The following RASGRP2 variants were observed in gnomAD, a reference collection of about 807,000 sequenced individuals.
RASGRP2 encodes RAS guanyl-releasing protein 2.
A neutral mutation model predicts 71.0 loss-of-function variants in RASGRP2; 44 were observed. The observed-to-expected ratio is 0.62, with a 90% CI of 0.49 to 0.80. RASGRP2 has a LOEUF of 0.80. Among genes scored for constraint, RASGRP2 ranks in the 30% least tolerant of loss-of-function variants. The pLI, the probability that RASGRP2 is intolerant of heterozygous loss-of-function variation, is 0.00. For missense variants in RASGRP2, 663 were observed against 813.4 expected (o/e 0.82, Z 2.25); for synonymous variants, 350 against 330.7 (o/e 1.06, Z -0.63).
Position 64,742,144 on chromosome 11 carries a change from A to C in RASGRP2, c.74-32T>G, listed in dbSNP as rs1227195370. On this transcript the variant is annotated intron_variant, in intron 2 of 16. Coordinates refer to ENST00000394432, the MANE Select transcript of RASGRP2 (RefSeq NM_001098671.2). The surrounding 1 kb of genome is among the most constrained non-coding windows in gnomAD (Gnocchi z 4.7). ...CCGAAGGGTCAAAGACAGGTGGCTGAGCTGGGTCCGCAGCTACCATGCCTC... is the reference window on the plus strand; with the variant it reads ...CCGAAGGGTCAAAGACAGGTGGCTGCGCTGGGTCCGCAGCTACCATGCCTC... The C allele has an allele frequency of 3.9e-6, 6 of 1,525,436 alleles. No homozygotes were observed. The African/African-American group carries it at 8.3e-5, about 21-fold the overall frequency. 94.5% of individuals were successfully genotyped at this position (1,525,436 alleles called of 1,614,324 possible).
At chr11:64,730,340 C>A in intron 12 of RASGRP2, 146 bp from the exon 13 acceptor site, 1 of 1,031,286 alleles carries the variant, frequency 9.7e-7, no homozygotes. Context: ...CGGCACTGGA[C>A]TAGGGGTCAG....
Position 64,740,140 on chromosome 11 carries a change from T to C in RASGRP2, c.395A>G (p.Gln132Arg). ...DSVPTYKWKR[Q>R]VTQRNPVGQK... ...TCCCACAGGGTTCCGCTGAGTCACC[T>C]GCCGCTTCCACTTGTAGGTAGGGCT... Residue 132 changes from glutamine to arginine, a missense_variant, in exon 6 of 17, where the codon CAG becomes CGG. Coordinates refer to ENST00000394432, the MANE Select transcript of RASGRP2 (RefSeq NM_001098671.2). 3 of 1,614,136 alleles carry C rather than the reference T, an allele frequency of 1.9e-6. No homozygotes were observed. Among genetic ancestry groups the C allele is most frequent in the Non-Finnish European group, 2.5e-6 (3 of 1,180,018 alleles).
rs1000200549 is a variant in RASGRP2 at position 64,740,952 on chromosome 11, T to G, written c.367A>C (p.Ser123Arg). The G allele has an allele frequency of 6.2e-7, 1 of 1,613,294 alleles. No homozygotes were observed. Among genetic ancestry groups the G allele is most frequent in the South Asian group, 1.1e-5 (1 of 91,040 alleles). The change falls in exon 5 of 17, where the codon AGC (serine) becomes CGC (arginine). Residue 123 changes from serine (S) to arginine (R), a missense_variant. Ser to Arg is a moderately radical substitution (Grantham distance 110). Coordinates refer to ENST00000394432, the MANE Select transcript of RASGRP2 (RefSeq NM_001098671.2). The part of the protein sequence containing the change: ...RRHSSLIDID[S>R]VPTYKWKRQV... ...CTCTGTGCTCCCCCCACGCACACGC[T>G]GTCTATGTCGATTAGGCTGCTGTGC...
rs1445982523 is a variant in RASGRP2 at position 64,742,489 on chromosome 11, C to T, written c.73+305G>A. 9 of 571,604 alleles carry T rather than the reference C, an allele frequency of 1.6e-5. No homozygotes were observed. The highest frequency in any genetic ancestry group is 3.0e-5 in the Admixed American group (1 of 32,836). The allele number at this position is 571,604 out of a possible 1,614,324, so 35.4% of individuals were successfully genotyped here. A position where few individuals can be genotyped will look rare whatever the true frequency, so the allele number is the denominator to read the frequency against. On this transcript the variant is annotated intron_variant, in intron 2 of 16. Coordinates refer to ENST00000394432, the MANE Select transcript of RASGRP2 (RefSeq NM_001098671.2). This position sits in a 1 kb window ranked among gnomAD's most constrained non-coding sequence, Gnocchi z 4.7. ...CATTAGCCGGAAACAGCTCCCAGGC[C>T]GGAGATAGCGAGTTCCTCCGGATTC... is the stretch of plus-strand genomic sequence containing the variant.
rs1468532962 is a variant in RASGRP2 at position 64,728,891 on chromosome 11, G to A, written c.1743C>T (p.Arg581=). 1.2e-6 allele frequency: 2 copies of A among 1,612,580 alleles called. No individual in the cohort carries two copies. The highest frequency in any genetic ancestry group is 1.3e-5 in the African/African-American group (1 of 74,936). Residue 581 remains arginine (R), a synonymous_variant, in exon 15 of 17, where the codon CGC becomes CGT. Coordinates refer to ENST00000394432, the MANE Select transcript of RASGRP2 (RefSeq NM_001098671.2). Reference sequence around the variant, plus strand: ...GAGGCCTGGAGCCTCGCCTGCCAGGGCGGGGCAGAGAGAAGCTGAAGGCGC... The same window carrying A: ...GAGGCCTGGAGCCTCGCCTGCCAGGACGGGGCAGAGAGAAGCTGAAGGCGC... The part of the protein sequence containing the change: ...HHRAFSFSLP[R]PGRRGSRPPE...
At chr11:64,741,911 C>G in intron 3 of RASGRP2, 99 bp downstream of exon 3, 1 of 1,029,382 alleles carries the variant, frequency 9.7e-7, no homozygotes, top group South Asian at 1.4e-5. Context: ...AAGGAGTGGC[C>G]TATACTTAGG....
Position 64,735,985 on chromosome 11 carries a change from G to T in RASGRP2, c.1096-5C>A. Reference sequence around the variant, plus strand: ...CTGATACTGATCCAGAGACACCTGGGACACACAGATCTGATCACCCCCACT... The same window carrying T: ...CTGATACTGATCCAGAGACACCTGGTACACACAGATCTGATCACCCCCACT... On this transcript the variant is annotated splice_region_variant and splice_polypyrimidine_tract_variant and intron_variant, in intron 9 of 16. Transcript: ENST00000394432. The surrounding 1 kb of genome is among the most constrained non-coding windows in gnomAD (Gnocchi z 4.2). 1.9e-6 allele frequency: 3 copies of T among 1,613,462 alleles called. No homozygotes were observed.
chr11:64,741,442 A>G lies in RASGRP2; in HGVS notation c.236T>C (p.Val79Ala). 1.3e-6 allele frequency: 2 copies of G among 1,560,890 alleles called. No homozygotes were observed. Among genetic ancestry groups the G allele is most frequent in the Non-Finnish European group, 1.7e-6 (2 of 1,148,686 alleles). ...NSLQVKTCHL[V>A]RYWISAFPAE... ...GAGCCCCAGGGGAAAGACTCACCTG[A>G]CCAGGTGGCACGTTTTCACCTGCAG... Residue 79 changes from valine (V) to alanine (A), a missense_variant, in exon 4 of 17, where the codon GTC (valine) becomes GCC (alanine). Physicochemically the swap from Val to Ala is moderately conservative, Grantham distance 64. Transcript: ENST00000394432.
chr11:64,730,270 G>C (rs2057723624), intron 12 of RASGRP2, 76 bp from the exon 13 acceptor site: 2 of 1,528,926 alleles, frequency 1.3e-6, no homozygotes, highest in African/African-American at 1.4e-5. Context: ...CCATCCCACT[G>C]TTCCCAGTGT....
intron 14 of RASGRP2, 42 bp downstream of exon 14, chr11:64,729,720 A>G: frequency 6.2e-7 from 1 of 1,610,362 alleles, no homozygotes; most frequent in Non-Finnish European, 8.5e-7. Context: ...AAACAAAAAA[A>G]AAAAACACTG....
At chr11:64,741,352 C>T (rs763265575) in intron 4 of RASGRP2, 87 bp downstream of exon 4, 44 of 1,400,902 alleles carry the variant, frequency 3.1e-5, no homozygotes, top group Admixed American at 7.9e-5. Flanking sequence ...CTCCCAGAAA[C>T]AGCGCCCTGC....
At position 64,735,468 on chromosome 11, in the gene RASGRP2, G is replaced by A. The variant is rs547693917; in HGVS notation, c.1296+74C>T. 1.5e-5 allele frequency: 24 copies of A among 1,607,840 alleles called. No individual in the cohort carries two copies. Among genetic ancestry groups the A allele is most frequent in the South Asian group, 6.6e-5 (6 of 90,824 alleles). On this transcript the variant is annotated intron_variant, in intron 11 of 16. Coordinates refer to ENST00000394432, the MANE Select transcript of RASGRP2 (RefSeq NM_001098671.2). This position sits in a 1 kb window ranked among gnomAD's most constrained non-coding sequence, Gnocchi z 4.2. Reference sequence around the variant, plus strand: ...GTGCTGGGTCTTGAACAGGACACTCGTGCTGGCTTCCAGGGCAGTGCTCCG... The same window carrying A: ...GTGCTGGGTCTTGAACAGGACACTCATGCTGGCTTCCAGGGCAGTGCTCCG...
chr11:64,740,339 C>T, intron 5 of RASGRP2, 176 bp from the exon 6 acceptor site: 1 of 756,154 alleles, frequency 1.3e-6, no homozygotes, highest in Non-Finnish European at 2.4e-6. Context: ...CCCCGTCATG[C>T]ACTCAACACA....
rs1361670850 is a variant in RASGRP2 at position 64,737,043 on chromosome 11, A to G, written c.814-9T>C. The G allele has an allele frequency of 4.3e-6, 7 of 1,613,602 alleles. No individual in the cohort carries two copies. The highest frequency in any genetic ancestry group is 1.7e-5 in the Admixed American group (1 of 60,002). On this transcript the variant is annotated splice_polypyrimidine_tract_variant and intron_variant, in intron 8 of 16. Coordinates refer to ENST00000394432, the MANE Select transcript of RASGRP2 (RefSeq NM_001098671.2). ...GTGAGACCCTCCCAGAGCTGGGGAC[A>G]AAGGACAGAGGAGTCATACCCCCAC... is the stretch of plus-strand genomic sequence containing the variant.
Position 64,742,304 on chromosome 11 carries a change from G to T in RASGRP2, c.74-192C>A, listed in dbSNP as rs937339722. Among the ~76,000 whole-genome samples the T allele has an allele frequency of 5.9e-5, 9 of 152,130 alleles. No individual in the cohort carries two copies. Among genetic ancestry groups the T allele is most frequent in the African/African-American group, 2.2e-4 (9 of 41,436 alleles). ...GGTGTGGTGGGCGAGAGATAGGCAC[G>T]CCCTGAGGACTGGAGGAGGGGAGCG... On this transcript the variant is annotated intron_variant, in intron 2 of 16. Transcript: ENST00000394432. This position sits in a 1 kb window ranked among gnomAD's most constrained non-coding sequence, Gnocchi z 4.7.
Position 64,735,504 on chromosome 11 carries a change from C to G in RASGRP2, c.1296+38G>C. 1.2e-6 allele frequency: 2 copies of G among 1,613,214 alleles called. No homozygotes were observed. The highest frequency in any genetic ancestry group is 1.7e-6 in the Non-Finnish European group (2 of 1,180,018). Reference sequence around the variant, plus strand: ...CAGGGCAGTGCTCCGGCAAACTGGCCTCTCCCCACACACTGCTCAGGCTCC... The same window carrying G: ...CAGGGCAGTGCTCCGGCAAACTGGCGTCTCCCCACACACTGCTCAGGCTCC... On this transcript the variant is annotated intron_variant, in intron 11 of 16. Transcript: ENST00000394432. This position sits in a 1 kb window ranked among gnomAD's most constrained non-coding sequence, Gnocchi z 4.2.
chr11:64,732,255 T>C lies in RASGRP2; in HGVS notation c.1413-2061A>G, dbSNP rs188498729. Among the ~76,000 whole-genome samples the C allele has an allele frequency of 1.5e-3, 225 of 152,236 alleles. 1 individual carries two copies. The highest frequency in any genetic ancestry group is 5.1e-3 in the African/African-American group (214 of 41,554). ...TTTAGGCCGGGTGCACAGTGGCTCA[T>C]GCCTGTAATCCCAGCACTTTGGGAG... On this transcript the variant is annotated intron_variant, in intron 12 of 16. Coordinates refer to ENST00000394432, the MANE Select transcript of RASGRP2 (RefSeq NM_001098671.2).
Position 64,730,045 on chromosome 11 carries a change from A to G in RASGRP2, c.1554+8T>C, listed in dbSNP as rs1463035676. 4 of 1,549,966 alleles carry G rather than the reference A, an allele frequency of 2.6e-6. No homozygotes were observed. In the African/African-American group the frequency reaches 5.5e-5, roughly 21 times the overall value. Reference sequence around the variant, plus strand: ...GCTTGGGCCGTGAGCCGGGAAAGGGACTCTCACCAGGGCTTTGCAGTGGCG... The same window carrying G: ...GCTTGGGCCGTGAGCCGGGAAAGGGGCTCTCACCAGGGCTTTGCAGTGGCG... On this transcript the variant is annotated splice_region_variant and intron_variant, in intron 13 of 16. Transcript: ENST00000394432.
In RASGRP2 at chr11:64,744,071, C is replaced by T. The variant is rs2058231378; in HGVS notation, c.-140G>A. On this transcript the variant is annotated 5_prime_UTR_variant, in exon 1 of 17. The change creates a premature stop within an existing upstream ORF in the 5' untranslated region. Transcript: ENST00000394432. Reference sequence around the variant, plus strand: ...CTCCTGGACGTGCTGTTCACTTGAGCCAGGCCAGCCTTGAGTCCCGCGGCC... The same window carrying T: ...CTCCTGGACGTGCTGTTCACTTGAGTCAGGCCAGCCTTGAGTCCCGCGGCC... The T allele has an allele frequency of 1.2e-5, 12 of 988,256 alleles. No individual in the cohort carries two copies. The highest frequency in any genetic ancestry group is 1.4e-5 in the Non-Finnish European group (12 of 830,980). 61.2% of individuals were successfully genotyped at this position (988,256 alleles called of 1,614,324 possible).
Sources: gnomAD v4.1 joint callset for allele counts (sites outside exome capture counted in the v4.1 genomes callset) on GRCh38, gnomAD v4.1.1 for gene constraint, Gnocchi (gnomAD v3.1) non-coding constraint, MANE v1.5 for transcripts, NCBI Gene and HGNC (gene_info 2026-07-23, HGNC 2026-07-21) for gene names.